Variants in CDH18 observed in about 807,000 individuals in gnomAD.
CDH18 encodes the protein cadherin 18.
A neutral mutation model predicts 67.9 loss-of-function variants in CDH18; 31 were observed. The observed-to-expected ratio is 0.46, with a 90% CI of 0.34 to 0.62. The LOEUF is 0.62. CDH18 is among the 20% of genes least tolerant of loss of function. The probability of loss-of-function intolerance (pLI) is 0.01; values close to 1 mark genes in which losing one functional copy is unlikely to be tolerated. For missense variants in CDH18, 890 were observed against 975.5 expected, an observed-to-expected ratio of 0.91 and a Z score of 1.17; for synonymous variants, 362 against 347.2, an observed-to-expected ratio of 1.04 and a Z score of -0.48.
At chr5:20,149,771 T>G (rs547409010) in intron 2 of CDH18, among the ~76,000 whole-genome samples, 4 of 152,282 alleles carry the variant, frequency 2.6e-5, no homozygotes, top group South Asian at 2.1e-4. Flanking sequence ...TAGTATGATC[T>G]TTGCTGTCCA....
intron 1 of CDH18, among the ~76,000 whole-genome samples, chr5:19,985,395 G>T (rs1799457390): frequency 6.6e-6 from 1 of 151,984 alleles, no homozygotes; most frequent in Non-Finnish European, 1.5e-5. Context: ...TCTCAAAATT[G>T]CATTGAGAAC....
At chr5:19,755,460 C>CAT (rs1158677779) in intron 3 of CDH18, among the ~76,000 whole-genome samples, 13 of 21,902 alleles carry the variant, frequency 5.9e-4, no homozygotes, top group Non-Finnish European at 1.6e-3. Flanking sequence ...TATATATATA[C>CAT]ACACACACAC....
chr5:20,032,272 AAAAG>A (rs1048132624), intron 2 of CDH18, among the ~76,000 whole-genome samples: 67 of 151,220 alleles, frequency 4.4e-4, no homozygotes, highest in African/African-American at 1.5e-3. Flanking sequence ...AACAAAGTTT[AAAAG>A]AAAGAAGAAA....
chr5:20,271,283 T>C (rs974148256), intron 1 of CDH18, among the ~76,000 whole-genome samples: 3 of 152,078 alleles, frequency 2.0e-5, no homozygotes, highest in Non-Finnish European at 2.9e-5. Context: ...CCACTAGAAC[T>C]GTTGTCCTCA....
chr5:20,117,010 TGTGTGTGTGTGTGTGTGTGA>T (rs927399513), intron 2 of CDH18, among the ~76,000 whole-genome samples: 43 of 145,074 alleles, frequency 3.0e-4, no homozygotes, highest in African/African-American at 1.1e-3. Context: ...GAGAGATAAA[TGTGTGTGTGTGTGTGTGTGA>T]GTGTGTGTGT....
chr5:20,241,181 G>GT (rs1742866352), intron 2 of CDH18, among the ~76,000 whole-genome samples: 1 of 152,070 alleles, frequency 6.6e-6, no homozygotes, highest in South Asian at 2.1e-4. Context: ...CAAGTATTAC[G>GT]TTATTAACTT....
intron 1 of CDH18, among the ~76,000 whole-genome samples, chr5:20,524,210 T>C (rs1049332267): frequency 6.6e-6 from 1 of 152,218 alleles, no homozygotes; most frequent in African/African-American, 2.4e-5. Context: ...TATTTAATTG[T>C]TTAAAATCTT....
intron 2 of CDH18, among the ~76,000 whole-genome samples, chr5:20,064,465 T>A (rs1742795961): frequency 6.6e-6 from 1 of 152,184 alleles, no homozygotes; most frequent in Admixed American, 6.6e-5. Context: ...TGTGGAATGA[T>A]GTGTTTCAAC....
chr5:19,592,046 T>C (rs2150029468), intron 6 of CDH18, among the ~76,000 whole-genome samples: 1 of 152,188 alleles, frequency 6.6e-6, no homozygotes, highest in Admixed American at 6.6e-5. Context: ...TTCTTAGAAC[T>C]CCCCTATGAT....
In CDH18 at chr5:19,486,662, G is replaced by A. The variant is rs112625816; in HGVS notation, c.1631-3110C>T. On this transcript the variant is annotated intron_variant, in intron 11 of 12. Coordinates refer to ENST00000382275, the MANE Select transcript of CDH18 (RefSeq NM_004934.5). ...ACAAAAATTAGCTGGGTGTGGTGGC[G>A]GGCGCCTATAATCTCAGCTACTTGG... 7.4e-3 allele frequency among the ~76,000 whole-genome samples: 1,131 copies of A among 152,088 alleles called. 14 individuals are homozygous for A. Among genetic ancestry groups the A allele is most frequent in the African/African-American group, 0.026 (1,068 of 41,492 alleles).
chr5:20,542,162 T>TTCACCA (rs1757086680), intron 1 of CDH18, among the ~76,000 whole-genome samples: 1 of 152,160 alleles, frequency 6.6e-6, no homozygotes, highest in Non-Finnish European at 1.5e-5. Flanking sequence ...ACCATCAGAG[T>TTCACCA]TCAGTTTTTC....
chr5:19,741,278 C>T (rs1018056893), intron 4 of CDH18, among the ~76,000 whole-genome samples: 14 of 123,544 alleles, frequency 1.1e-4, no homozygotes, highest in East Asian at 7.1e-4. Context: ...TACATATATA[C>T]GTGTATATAT....
At chr5:19,848,181 C>T (rs1783216833) in intron 2 of CDH18, 1 of 152,168 alleles carries the variant, frequency 6.6e-6, no homozygotes, top group Non-Finnish European at 1.5e-5. Context: ...AGCCATTAGG[C>T]ATGAAGAGTA....
intron 2 of CDH18, among the ~76,000 whole-genome samples, chr5:20,228,525 T>G (rs1580529489): frequency 8.6e-6 from 1 of 116,488 alleles, no homozygotes; most frequent in African/African-American, 4.2e-5. Flanking sequence ...CAATATATTG[T>G]TATTAAGTGT....
chr5:19,885,132 G>A (rs1344120198), intron 2 of CDH18, among the ~76,000 whole-genome samples: 1 of 152,108 alleles, frequency 6.6e-6, no homozygotes, highest in Non-Finnish European at 1.5e-5. Context: ...TAACTTTGTG[G>A]TTAAGGGAAT....
At position 19,503,128 on chromosome 5, in the gene CDH18, C is replaced by CTAAATCG. The variant is rs760498078; in HGVS notation, c.1513-26_1513-20dup. On this transcript the variant is annotated intron_variant, in intron 10 of 12. Coordinates refer to ENST00000382275, the MANE Select transcript of CDH18 (RefSeq NM_004934.5). ...GAATAACCTAAAGAAAAGACAAACT[C>CTAAATCG]TAAATCGTAAATTTAATTTTGCTTG... 3 of 1,237,694 alleles carry CTAAATCG rather than the reference C, an allele frequency of 2.4e-6. No individual in the cohort carries two copies. In the South Asian group the frequency reaches 3.7e-5, roughly 15 times the overall value. The allele number at this position is 1,237,694 out of a possible 1,614,324, so 76.7% of individuals were successfully genotyped here.
intron 1 of CDH18, among the ~76,000 whole-genome samples, chr5:20,272,191 C>G (rs1745486804): frequency 6.6e-6 from 1 of 151,992 alleles, no homozygotes; most frequent in South Asian, 2.1e-4. Flanking sequence ...AAGTAGAGAT[C>G]TGTAAACCAA....
intron 2 of CDH18, among the ~76,000 whole-genome samples, chr5:19,925,709 A>G (rs2150182450): frequency 6.6e-6 from 1 of 152,178 alleles, no homozygotes; most frequent in African/African-American, 2.4e-5. Context: ...GCTGGTCTTG[A>G]ACTCCTGACC....
intron 1 of CDH18, among the ~76,000 whole-genome samples, chr5:20,383,270 A>G (rs1393463815): frequency 6.6e-6 from 1 of 152,152 alleles, no homozygotes; most frequent in Non-Finnish European, 1.5e-5. Flanking sequence ...CACTTGGAGG[A>G]CATAATGTTC....
Sources: allele counts gnomAD v4.1 joint callset (sites outside exome capture counted in the v4.1 genomes callset), GRCh38; gene constraint gnomAD v4.1.1; transcripts MANE v1.5; gene names NCBI Gene and HGNC (gene_info 2026-07-23, HGNC 2026-07-21).